MOB3B: variants seen among roughly 807,000 people sequenced by gnomAD.
MOB3B encodes MOB kinase activator 3B, also known as MOB kinase activator-like 2B.
In MOB3B, 7 loss-of-function variants were observed where a neutral mutation model predicts 18.7. The observed-to-expected ratio is 0.37, with a 90% CI of 0.21 to 0.70. MOB3B has a LOEUF of 0.70. Among genes scored for constraint, MOB3B ranks in the 30% least tolerant of loss-of-function variants. MOB3B has a pLI of 0.52. For missense variants in MOB3B, 253 were observed against 281.3 expected (o/e 0.90, Z 0.72); for synonymous variants, 111 against 99.9 (o/e 1.11, Z -0.66).
At chr9:27,392,116 G>T (rs1302780339) in intron 2 of MOB3B, among the ~76,000 whole-genome samples, 1 of 152,144 alleles carries the variant, frequency 6.6e-6, no homozygotes, top group Non-Finnish European at 1.5e-5. Flanking sequence ...CCAAATTTGG[G>T]TCTCACCCAG....
chr9:27,459,011 G>C (rs562933886), intron 1 of MOB3B, among the ~76,000 whole-genome samples: 3 of 150,418 alleles, frequency 2.0e-5, no homozygotes, highest in Non-Finnish European at 4.4e-5. Context: ...GATCAGGTAG[G>C]CCCCCCCCCA....
chr9:27,415,673 T>C (rs1822134890), intron 2 of MOB3B, among the ~76,000 whole-genome samples: 1 of 152,228 alleles, frequency 6.6e-6, no homozygotes, highest in Admixed American at 6.5e-5. Flanking sequence ...ATCAGCTAAC[T>C]GTGTGAGAAA....
chr9:27,450,001 A>G (rs981717128), intron 2 of MOB3B, among the ~76,000 whole-genome samples: 1 of 151,870 alleles, frequency 6.6e-6, no homozygotes, highest in Admixed American at 6.6e-5. Flanking sequence ...AAAAAAAAAA[A>G]AACTTAAAAT....
rs749952058 is a variant in MOB3B, at chr9:27,398,989, G to A, written c.419-39753C>T. Among the ~76,000 whole-genome samples, 59 of 150,570 alleles carry A rather than the reference G, an allele frequency of 3.9e-4. 1 individual carries two copies. Among genetic ancestry groups the A allele is most frequent in the Non-Finnish European group, 6.3e-4 (43 of 67,720 alleles). ...GGCAATTTTTTAGCAGTCAACCTGA[G>A]TTCTGGGGGCAGGGGGGTGGGAAAC... is the stretch of plus-strand genomic sequence containing the variant. On this transcript the variant is annotated intron_variant, in intron 2 of 3. Transcript: ENST00000262244.
At position 27,328,686 on chromosome 9, in the gene MOB3B, AGGGCAT is replaced by A. The variant is rs1226459703; in HGVS notation, c.*1895_*1900del. On this transcript the variant is annotated 3_prime_UTR_variant, in exon 4 of 4. Transcript: ENST00000262244. ...TGATGCACAGCTACAGAGTTCCTCC[AGGGCAT>A]GGGCTCCGTAGTTACCTCTCTGTGC... 1 of 152,248 alleles carries A rather than the reference AGGGCAT, an allele frequency of 6.6e-6. No individual in the cohort carries two copies. Among genetic ancestry groups the A allele is most frequent in the Non-Finnish European group, 1.5e-5 (1 of 68,050 alleles). The allele number at this position is 152,248 out of a possible 1,614,324, so 9.4% of individuals were successfully genotyped here. A position where few individuals can be genotyped will look rare whatever the true frequency, so the allele number is the denominator to read the frequency against.
chr9:27,439,763 A>G (rs1034005917), intron 2 of MOB3B, among the ~76,000 whole-genome samples: 1 of 151,910 alleles, frequency 6.6e-6, no homozygotes, highest in African/African-American at 2.4e-5. Context: ...ATGTGCCCAG[A>G]ATACTCCTAT....
chr9:27,362,435 G>A (rs1195577690), intron 2 of MOB3B, among the ~76,000 whole-genome samples: 1 of 152,062 alleles, frequency 6.6e-6, no homozygotes, highest in Non-Finnish European at 1.5e-5. Context: ...ACTGTGCTTG[G>A]CACTCAATGG....
intron 2 of MOB3B, among the ~76,000 whole-genome samples, chr9:27,367,899 CT>C (rs1204697475): frequency 2.0e-5 from 3 of 152,200 alleles, no homozygotes; most frequent in Non-Finnish European, 4.4e-5. Context: ...TTTGGGACCC[CT>C]GATGGCATGT....
intron 2 of MOB3B, among the ~76,000 whole-genome samples, chr9:27,405,215 C>A (rs1207527161): frequency 6.8e-6 from 1 of 145,996 alleles, no homozygotes; most frequent in Admixed American, 7.1e-5. Flanking sequence ...TCAAGCAATT[C>A]TCCTGCCTCA....
intron 3 of MOB3B, among the ~76,000 whole-genome samples, chr9:27,344,475 C>T (rs758986283): frequency 1.3e-5 from 2 of 152,164 alleles, no homozygotes; most frequent in Non-Finnish European, 1.5e-5. Context: ...ATTATAACTC[C>T]GACATCTTAC....
At chr9:27,525,458 A>G (rs962657224) in intron 1 of MOB3B, among the ~76,000 whole-genome samples, 1 of 152,170 alleles carries the variant, frequency 6.6e-6, no homozygotes, top group East Asian at 1.9e-4. Flanking sequence ...CTCGGGGGGA[A>G]AAAGGTTGAC....
chr9:27,371,560 C>G (rs1821414841), intron 2 of MOB3B, among the ~76,000 whole-genome samples: 1 of 152,174 alleles, frequency 6.6e-6, no homozygotes, highest in South Asian at 2.1e-4. Context: ...GGGTCAAAGT[C>G]AAGCTAAATT....
At chr9:27,344,095 A>C (rs1164560469) in intron 3 of MOB3B, among the ~76,000 whole-genome samples, 2 of 147,188 alleles carry the variant, frequency 1.4e-5, no homozygotes, top group African/African-American at 5.4e-5. Flanking sequence ...CAATTAAAAA[A>C]ATTTAGAAAG....
chr9:27,367,911 C>T (rs1321599094), intron 2 of MOB3B, among the ~76,000 whole-genome samples: 1 of 152,140 alleles, frequency 6.6e-6, no homozygotes, highest in East Asian at 1.9e-4. Flanking sequence ...GATGGCATGT[C>T]AACAACAACC....
At chr9:27,444,193 A>T (rs1161315483) in intron 2 of MOB3B, among the ~76,000 whole-genome samples, 2 of 146,508 alleles carry the variant, frequency 1.4e-5, no homozygotes, top group Non-Finnish European at 3.0e-5. Flanking sequence ...GAAAGAAAGA[A>T]AGAAAGAAAA....
chr9:27,404,925 ATTATTGCCTTTCT>A (rs1427138310), intron 2 of MOB3B, among the ~76,000 whole-genome samples: 1 of 151,988 alleles, frequency 6.6e-6, no homozygotes. Context: ...ACCAGCCTTA[ATTATTGCCTTTCT>A]TTTGGATAAA....
At chr9:27,380,230 G>A (rs1279022360) in intron 2 of MOB3B, among the ~76,000 whole-genome samples, 1 of 151,268 alleles carries the variant, frequency 6.6e-6, no homozygotes, top group Non-Finnish European at 1.5e-5. Flanking sequence ...ACAAAGTTCT[G>A]GGGAGGGGCC....
intron 2 of MOB3B, among the ~76,000 whole-genome samples, chr9:27,371,160 T>C (rs541530911): frequency 6.6e-6 from 1 of 152,216 alleles, no homozygotes; most frequent in Non-Finnish European, 1.5e-5. Flanking sequence ...CAGATTTGGT[T>C]GGCAAATCAT....
At chr9:27,520,123 T>A (rs1017770821) in intron 1 of MOB3B, among the ~76,000 whole-genome samples, 1 of 152,348 alleles carries the variant, frequency 6.6e-6, no homozygotes, top group East Asian at 1.9e-4. Flanking sequence ...TGTCTTTTCA[T>A]GGAGAGCAAT....
Sources: allele counts gnomAD v4.1 joint callset (sites outside exome capture counted in the v4.1 genomes callset), GRCh38; gene constraint gnomAD v4.1.1; transcripts MANE v1.5; gene names NCBI Gene and HGNC (gene_info 2026-07-23, HGNC 2026-07-21).